Variants in ASTN2 observed in about 807,000 individuals in gnomAD.
ASTN2 encodes astrotactin-2.
In ASTN2, 54 loss-of-function variants were observed where a neutral mutation model predicts 139.8. The observed-to-expected ratio is 0.39, with a 90% confidence interval of 0.31 to 0.48. ASTN2 has a LOEUF of 0.48. Ranked by LOEUF, ASTN2 falls within the 20% of genes least tolerant of loss-of-function variation. ASTN2 has a pLI of 0.95. For missense variants in ASTN2, 1,565 were observed against 1,725.1 expected, an observed-to-expected ratio of 0.91 and a Z score of 1.64; for synonymous variants, 756 against 719.5, an observed-to-expected ratio of 1.05 and a Z score of -0.81.
At chr9:116,664,070 C>T (rs993826618) in intron 16 of ASTN2, among the ~76,000 whole-genome samples, 2 of 152,108 alleles carry the variant, frequency 1.3e-5, no homozygotes, top group Non-Finnish European at 2.9e-5. Context: ...AAATCTCTTA[C>T]CATAGCAGTC....
At chr9:116,860,799 G>A (rs1246362301) in intron 11 of ASTN2, among the ~76,000 whole-genome samples, 4 of 152,172 alleles carry the variant, frequency 2.6e-5, no homozygotes, top group East Asian at 1.9e-4. Context: ...TTGTTGTGAG[G>A]ATGAGCTCTT....
chr9:117,384,621 G>A (rs115116866), intron 1 of ASTN2, among the ~76,000 whole-genome samples: 1 of 152,204 alleles, frequency 6.6e-6, no homozygotes, highest in African/African-American at 2.4e-5. Context: ...TATGGGCCAT[G>A]GCTTCCACAT....
intron 4 of ASTN2, among the ~76,000 whole-genome samples, chr9:117,096,811 C>T (rs1249917699): frequency 6.6e-6 from 1 of 152,102 alleles, no homozygotes; most frequent in African/African-American, 2.4e-5. Flanking sequence ...AGATTTAAGT[C>T]AGGTCTTGAA....
At position 117,414,271 on chromosome 9, in the gene ASTN2, C is replaced by A. The variant is rs954650353; in HGVS notation, c.442+226G>T. Among the ~76,000 whole-genome samples, 1 of 152,142 alleles carries A rather than the reference C, an allele frequency of 6.6e-6. No homozygotes were observed. Among genetic ancestry groups the A allele is most frequent in the Non-Finnish European group, 1.5e-5 (1 of 68,020 alleles). On this transcript the variant is annotated intron_variant, in intron 1 of 22. Coordinates refer to ENST00000313400, the MANE Select transcript of ASTN2 (RefSeq NM_001365068.1). The surrounding 1 kb of genome is among the most constrained non-coding windows in gnomAD (Gnocchi z 4.2). ...GAGGCAGAGGGGCAGGTTCCCACTG[C>A]GGGAGGGTTGGCACGCCCCCAGGCT...
At chr9:117,343,295 A>G (rs368715708) in intron 1 of ASTN2, among the ~76,000 whole-genome samples, 36 of 152,248 alleles carry the variant, frequency 2.4e-4, no homozygotes, top group African/African-American at 7.9e-4. Flanking sequence ...TCAGAATTTT[A>G]TAGTTACTTT....
chr9:117,284,385 T>C (rs1834397226), intron 2 of ASTN2, among the ~76,000 whole-genome samples: 4 of 152,210 alleles, frequency 2.6e-5, no homozygotes, highest in Admixed American at 2.6e-4. Context: ...GATTACAGGC[T>C]TCAGCCACCG....
chr9:116,842,688 C>T (rs755490592), intron 11 of ASTN2, among the ~76,000 whole-genome samples: 2 of 148,120 alleles, frequency 1.4e-5, no homozygotes, highest in Admixed American at 6.9e-5. Context: ...TCAGCTGCCG[C>T]TCAATTTGTG....
chr9:116,594,957 AC>A (rs2131739745), intron 19 of ASTN2, among the ~76,000 whole-genome samples: 1 of 152,328 alleles, frequency 6.6e-6, no homozygotes, highest in South Asian at 2.1e-4. Flanking sequence ...GTACATACAT[AC>A]ATACACACAT....
chr9:117,051,991 C>A (rs557484533), intron 5 of ASTN2, among the ~76,000 whole-genome samples: 161 of 152,264 alleles, frequency 1.1e-3, no homozygotes, highest in African/African-American at 3.5e-3. Context: ...TAAGCTGGTG[C>A]ACAGTAGATT....
chr9:116,678,795 G>T (rs1434114805), intron 16 of ASTN2, among the ~76,000 whole-genome samples: 2 of 152,094 alleles, frequency 1.3e-5, no homozygotes, highest in South Asian at 2.1e-4. Flanking sequence ...TTAGAAAATT[G>T]ATCTGTTTGA....
intron 10 of ASTN2, among the ~76,000 whole-genome samples, chr9:116,878,603 A>T (rs1302599794): frequency 2.0e-5 from 3 of 152,048 alleles, no homozygotes; most frequent in Non-Finnish European, 4.4e-5. Flanking sequence ...TGTGGGGCTT[A>T]ATACCTAGGT....
intron 1 of ASTN2, among the ~76,000 whole-genome samples, chr9:117,374,947 C>A (rs1301732587): frequency 1.3e-5 from 2 of 152,158 alleles, no homozygotes; most frequent in Non-Finnish European, 2.9e-5. Flanking sequence ...TGGTTCCCCA[C>A]CCTGTCTTTT....
intron 20 of ASTN2, among the ~76,000 whole-genome samples, chr9:116,446,926 G>T (rs953372882): frequency 6.6e-6 from 1 of 152,128 alleles, no homozygotes; most frequent in Admixed American, 6.5e-5. Context: ...CTTCATCATT[G>T]TCAGGACATT....
At chr9:116,810,334 T>A (rs1831131284) in intron 12 of ASTN2, among the ~76,000 whole-genome samples, 1 of 152,198 alleles carries the variant, frequency 6.6e-6, no homozygotes, top group Non-Finnish European at 1.5e-5. Context: ...TAGAGGTTTA[T>A]CGAAGTATGT....
chr9:116,466,332 C>T (rs1848646793), intron 20 of ASTN2, among the ~76,000 whole-genome samples: 2 of 152,182 alleles, frequency 1.3e-5, no homozygotes, highest in South Asian at 4.1e-4. Flanking sequence ...AGATCTCTAG[C>T]TTCTTGGCCA....
chr9:117,006,435 A>C (rs1399535047), intron 7 of ASTN2, among the ~76,000 whole-genome samples: 1 of 152,156 alleles, frequency 6.6e-6, no homozygotes, highest in Non-Finnish European at 1.5e-5. Flanking sequence ...CTTGCATTCT[A>C]TTCTCAGTAA....
At chr9:117,060,610 C>A (rs62564936) in intron 5 of ASTN2, among the ~76,000 whole-genome samples, 13 of 119,158 alleles carry the variant, frequency 1.1e-4, no homozygotes, top group Non-Finnish European at 1.8e-4. Context: ...GAAGGAAGGG[C>A]GGGCCAGGGG....
At chr9:117,003,955 T>C (rs2418447) in intron 7 of ASTN2, among the ~76,000 whole-genome samples, 93,091 of 126,076 alleles carry the variant, frequency 0.74, 33,708 homozygotes, top group Non-Finnish European at 0.84. Flanking sequence ...CGCGCGCGCG[T>C]GTGTGTGTGT....
intron 10 of ASTN2, among the ~76,000 whole-genome samples, chr9:116,959,543 G>A (rs1238348865): frequency 2.0e-5 from 3 of 152,156 alleles, no homozygotes; most frequent in Non-Finnish European, 2.9e-5. Context: ...AGGGGTTAGG[G>A]AGGCAGGAAG....
Sources: gnomAD v4.1 joint callset for allele counts (sites outside exome capture counted in the v4.1 genomes callset) on GRCh38, gnomAD v4.1.1 for gene constraint, Gnocchi (gnomAD v3.1) non-coding constraint, MANE v1.5 for transcripts, NCBI Gene and HGNC (gene_info 2026-07-23, HGNC 2026-07-21) for gene names.